The following NBEA variants were observed in gnomAD, a reference collection of about 807,000 sequenced individuals.
NBEA encodes the protein lysosomal-trafficking regulator 2.
Under a neutral mutation model 343.4 loss-of-function variants are expected in NBEA, and 44 were observed. That is an observed-to-expected ratio of 0.13 (90% confidence interval 0.10 to 0.16). The LOEUF (loss-of-function observed/expected upper bound fraction) is 0.16. Among genes scored for constraint, NBEA ranks in the 10% least tolerant of loss-of-function variants. The pLI is 1.00. For missense variants in NBEA, 2,555 were observed against 3,631.3 expected, an observed-to-expected ratio of 0.70 and a Z score of 7.62; for synonymous variants, 1,175 against 1,238.7, an observed-to-expected ratio of 0.95 and a Z score of 1.08.
chr13:35,366,243 T>G (rs1217741853), intron 38 of NBEA, among the ~76,000 whole-genome samples: 11 of 151,582 alleles, frequency 7.3e-5, no homozygotes, highest in Admixed American at 6.6e-4. Flanking sequence ...TGTTTCAGCT[T>G]TAGGAATTAA....
intron 34 of NBEA, among the ~76,000 whole-genome samples, chr13:35,276,186 C>T (rs1313401058): frequency 1.3e-5 from 2 of 152,024 alleles, no homozygotes; most frequent in African/African-American, 4.8e-5. Context: ...AATAAGAGCA[C>T]ATATGGCCTG....
chr13:35,654,008 C>T (rs1828276663), intron 53 of NBEA, among the ~76,000 whole-genome samples: 1 of 152,158 alleles, frequency 6.6e-6, no homozygotes, highest in Non-Finnish European at 1.5e-5. Flanking sequence ...TAGATATCTA[C>T]AGATAGTAGT....
At chr13:34,981,968 T>G (rs924158409) in intron 1 of NBEA, among the ~76,000 whole-genome samples, 4 of 151,940 alleles carry the variant, frequency 2.6e-5, no homozygotes, top group Non-Finnish European at 5.9e-5. Context: ...TCTCTCTCTC[T>G]CTCTGTCTCT....
At chr13:35,372,737 G>A (rs2041513436) in intron 38 of NBEA, among the ~76,000 whole-genome samples, 1 of 151,954 alleles carries the variant, frequency 6.6e-6, no homozygotes, top group South Asian at 2.1e-4. Flanking sequence ...ACCATTTCTG[G>A]GGGCAGTGGG....
intron 10 of NBEA, among the ~76,000 whole-genome samples, chr13:35,094,845 G>A (rs1462123302): frequency 6.6e-6 from 1 of 151,830 alleles, no homozygotes; most frequent in East Asian, 1.9e-4. Flanking sequence ...CCCCCTTACT[G>A]ATACCGTAAA....
intron 41 of NBEA, among the ~76,000 whole-genome samples, chr13:35,506,487 A>C (rs1057052113): frequency 1.3e-5 from 2 of 152,166 alleles, no homozygotes; most frequent in Non-Finnish European, 2.9e-5. Flanking sequence ...TGAGAAATCA[A>C]ATGTATTGAT....
chr13:35,645,355 A>G (rs1313838628), intron 49 of NBEA, among the ~76,000 whole-genome samples: 3 of 152,220 alleles, frequency 2.0e-5, no homozygotes, highest in Admixed American at 6.5e-5. Context: ...TCAGAAAAAG[A>G]TTTTTGTTAG....
chr13:35,445,782 T>A (rs1005884301), intron 39 of NBEA, among the ~76,000 whole-genome samples: 4 of 113,266 alleles, frequency 3.5e-5, no homozygotes, highest in Admixed American at 3.3e-4. Flanking sequence ...ATATAAATGT[T>A]TATATATATA....
chr13:35,452,376 C>A, intron 40 of NBEA, 141 bp downstream of exon 40: 1 of 651,818 alleles, frequency 1.5e-6, no homozygotes, highest in Non-Finnish European at 2.7e-6. Flanking sequence ...TCTACTTTAT[C>A]TCATTTCTAA....
chr13:35,535,094 C>A (rs549693441), intron 41 of NBEA, among the ~76,000 whole-genome samples: 1 of 134,766 alleles, frequency 7.4e-6, no homozygotes, highest in African/African-American at 2.5e-5. Context: ...ATCTCTAAAT[C>A]CTCTTTTTAC....
chr13:35,195,525 A>C (rs1419949511), intron 30 of NBEA, among the ~76,000 whole-genome samples: 5 of 151,878 alleles, frequency 3.3e-5, no homozygotes, highest in Non-Finnish European at 4.4e-5. Context: ...CAGCCTCCCG[A>C]GTAGCTGGGA....
chr13:35,078,308 A>C (rs1411662616), intron 10 of NBEA, among the ~76,000 whole-genome samples: 3 of 152,222 alleles, frequency 2.0e-5, no homozygotes, highest in Admixed American at 6.5e-5. Context: ...GTAGTAACAA[A>C]CAACCTCAAA....
At chr13:35,539,809 C>T (rs1330376350) in intron 41 of NBEA, among the ~76,000 whole-genome samples, 3 of 146,108 alleles carry the variant, frequency 2.1e-5, no homozygotes, top group African/African-American at 5.1e-5. Flanking sequence ...CCAGCTACTC[C>T]GGAGGCTGAG....
chr13:35,424,783 CT>C (rs911304127), intron 38 of NBEA, among the ~76,000 whole-genome samples: 4 of 151,898 alleles, frequency 2.6e-5, no homozygotes, highest in Admixed American at 6.6e-5. Flanking sequence ...TGGTCCTGGA[CT>C]TTTTTTTCGT....
chr13:35,184,006 G>T lies in NBEA; in HGVS notation c.4862G>T (p.Ser1621Ile), dbSNP rs1184140710. ...GTCATACCATCTATCCCTCATCCAA[G>T]TTTGAACCATGGATTCCTTGCCAAG... ...VVVIPSIPHP[S>I]LNHGFLAKLI... Residue 1621 changes from serine (S) to isoleucine (I), a missense_variant, in exon 30 of 59, where the codon AGT becomes ATT. Coordinates refer to ENST00000379939, the MANE Select transcript of NBEA (RefSeq NM_001385012.1). The T allele has an allele frequency of 1.9e-6, 3 of 1,611,616 alleles. No individual in the cohort carries two copies. Among genetic ancestry groups the T allele is most frequent in the Non-Finnish European group, 2.5e-6 (3 of 1,178,564 alleles).
In NBEA at chr13:35,471,903, A is replaced by G. The variant is rs553601403; in HGVS notation, c.6449-497A>G. 5.3e-5 allele frequency among the ~76,000 whole-genome samples: 8 copies of G among 152,304 alleles called. No homozygotes were observed. The East Asian group carries it at 1.5e-3, about 29-fold the overall frequency. ...TTAGATTAATCTTCCTGCAAGAGGC[A>G]AACCGCTCTGAACAGCGGAATTTAT... On this transcript the variant is annotated intron_variant, in intron 40 of 58. Transcript: ENST00000379939.
chr13:35,341,394 T>A (rs939184014), intron 36 of NBEA, among the ~76,000 whole-genome samples: 2 of 152,054 alleles, frequency 1.3e-5, no homozygotes, highest in Non-Finnish European at 2.9e-5. Flanking sequence ...AGTAGATTGA[T>A]AGTCATCAAA....
chr13:34,950,503 A>C (rs1031923521), intron 1 of NBEA, among the ~76,000 whole-genome samples: 2 of 151,616 alleles, frequency 1.3e-5, no homozygotes, highest in Non-Finnish European at 2.9e-5. Context: ...ATATTTAAAT[A>C]CTAATGTTTA....
At position 35,139,091 on chromosome 13, in the gene NBEA, A is replaced by T. The variant is rs1352879484; in HGVS notation, c.2337-3178A>T. ...TTTTTTTTTTTTTGAGACAGAGCCT[A>T]ACTCTGTTGCCCAGGCTGGAGTGCA... On this transcript the variant is annotated intron_variant, in intron 17 of 58. Transcript: ENST00000379939. Among the ~76,000 whole-genome samples the T allele has an allele frequency of 1.8e-5, 2 of 109,330 alleles. 1 individual carries two copies. The highest frequency in any genetic ancestry group is 0.022 in the Middle Eastern group (2 of 92). The allele number at this position is 109,330 out of a possible 152,430, so 71.7% of individuals were successfully genotyped here.
Sources: gnomAD v4.1 joint callset for allele counts (sites outside exome capture counted in the v4.1 genomes callset) on GRCh38, gnomAD v4.1.1 for gene constraint, MANE v1.5 for transcripts, NCBI Gene and HGNC (gene_info 2026-07-23, HGNC 2026-07-21) for gene names.